The following MCOLN3 variants were observed in gnomAD, a reference collection of about 807,000 sequenced individuals.
MCOLN3 encodes mucolipin-3.
A neutral mutation model predicts 69.4 loss-of-function variants in MCOLN3; 62 were observed. That is an observed-to-expected ratio of 0.89 (90% CI 0.73 to 1.10). The LOEUF (loss-of-function observed/expected upper bound fraction) is 1.10, where lower values mean the gene tolerates loss of function less well. MCOLN3 is among the 50% of genes least tolerant of loss of function. The pLI is 0.00. For missense variants in MCOLN3, 564 were observed against 656.4 expected, an observed-to-expected ratio of 0.86 and a Z score of 1.54; for synonymous variants, 183 against 217.0, an observed-to-expected ratio of 0.84 and a Z score of 1.38.
chr1:85,027,659 T>TTAG (rs1339326115), intron 7 of MCOLN3, among the ~76,000 whole-genome samples: 1 of 152,014 alleles, frequency 6.6e-6, no homozygotes, highest in Non-Finnish European at 1.5e-5. Flanking sequence ...ATGAGGGAGG[T>TTAG]TAGTGTCGGG....
intron 9 of MCOLN3, chr1:85,025,604 AC>A: frequency 5.7e-6 from 1 of 176,578 alleles, no homozygotes. Flanking sequence ...AAAAAAAAAA[AC>A]TCTTACCTTA....
chr1:85,047,586 G>T (rs1461414791), intron 1 of MCOLN3: 2 of 152,276 alleles, frequency 1.3e-5, no homozygotes, highest in Admixed American at 6.5e-5. Flanking sequence ...TGTTCCTGGC[G>T]GGCAGAGGCT....
At position 85,041,130 on chromosome 1, in the gene MCOLN3, T is replaced by C; in HGVS notation, c.276A>G (p.Glu92=). The C allele has an allele frequency of 1.2e-6, 2 of 1,614,014 alleles. No individual in the cohort carries two copies. Among genetic ancestry groups the C allele is most frequent in the Non-Finnish European group, 1.7e-6 (2 of 1,179,980 alleles). The change falls in exon 3 of 13, where the codon GAA becomes GAG. Residue 92 remains glutamate, a synonymous_variant. Coordinates refer to ENST00000370589, the MANE Select transcript of MCOLN3 (RefSeq NM_018298.11). ...LSNQMVVAFK[E]ENTIAFKHLF... The stretch of plus-strand genomic sequence containing the variant: ...GGTGTTTGAATGCTATAGTATTCTC[T>C]TCCTTGAAAGCTACCACCATCTGGT...
chr1:85,040,514 G>C (rs1557692616), intron 3 of MCOLN3, among the ~76,000 whole-genome samples: 1 of 152,056 alleles, frequency 6.6e-6, no homozygotes, highest in African/African-American at 2.4e-5. Flanking sequence ...TGAAAAACAA[G>C]CTTGTTTTTT....
intron 6 of MCOLN3, 137 bp downstream of exon 6, chr1:85,032,559 C>G (rs1652590320): frequency 1.4e-6 from 1 of 710,706 alleles, no homozygotes; most frequent in Admixed American, 2.1e-5. Flanking sequence ...CTAGATGTAT[C>G]AATGCTTCCC....
chr1:85,018,993 G>T lies in MCOLN3; in HGVS notation c.*130C>A. ...CTTTTAAAAATATAAACAGTTATTG[G>T]TGAATTATAGGTCTCAATTAGCTCA... On this transcript the variant is annotated 3_prime_UTR_variant, in exon 13 of 13. Coordinates refer to ENST00000370589, the MANE Select transcript of MCOLN3 (RefSeq NM_018298.11). The T allele has an allele frequency of 1.3e-6, 1 of 764,390 alleles. No individual in the cohort carries two copies. The highest frequency in any genetic ancestry group is 2.6e-5 in the South Asian group (1 of 38,338). 47.4% of individuals were successfully genotyped at this position (764,390 alleles called of 1,614,324 possible).
chr1:85,035,369 T>C (rs6576743), intron 3 of MCOLN3, among the ~76,000 whole-genome samples: 144,806 of 152,270 alleles, frequency 0.95, 69,053 homozygotes, highest in East Asian at 0.99. Context: ...ATTTGCATCT[T>C]CAGCTCTGAC....
At chr1:85,032,509 C>T (rs1196315993) in intron 6 of MCOLN3, among the ~76,000 whole-genome samples, 187 bp downstream of exon 6, 2 of 152,184 alleles carry the variant, frequency 1.3e-5, no homozygotes, top group Non-Finnish European at 2.9e-5. Flanking sequence ...GTGTAGAAGA[C>T]ATAACTAACA....
At chr1:85,020,940 A>C (rs112868410) in intron 12 of MCOLN3, 130 bp downstream of exon 12, 10 of 602,180 alleles carry the variant, frequency 1.7e-5, no homozygotes, top group African/African-American at 1.3e-4. Context: ...TCTAAAAATA[A>C]GGTCCTTTTT....
chr1:85,047,868 T>TA (rs1322642441), intron 1 of MCOLN3, among the ~76,000 whole-genome samples: 4 of 152,232 alleles, frequency 2.6e-5, no homozygotes, highest in Admixed American at 1.3e-4. Context: ...GGCACTGCCG[T>TA]GGAGCTCAGA....
At chr1:85,025,749 A>G (rs1652181876) in intron 9 of MCOLN3, 190 bp downstream of exon 9, 1 of 570,652 alleles carries the variant, frequency 1.8e-6, no homozygotes, top group Non-Finnish European at 3.1e-6. Flanking sequence ...TTTGTGGATC[A>G]CACTTTGAAA....
chr1:85,022,137 CAGCAGCAG>C lies in MCOLN3; in HGVS notation c.1245_1252del (p.Phe415LeufsTer22), dbSNP rs764857534. ...GTAACCTAAGTAAATCATAGCTGCA[CAGCAGCAG>C]AACCTGATGACATTGGGCAGCGCTG... On this transcript the variant is annotated frameshift_variant, in exon 11 of 13. Coordinates refer to ENST00000370589, the MANE Select transcript of MCOLN3 (RefSeq NM_018298.11). LOFTEE classifies it high-confidence loss of function. The C allele has an allele frequency of 1.2e-6, 2 of 1,614,138 alleles. No homozygotes were observed. The highest frequency in any genetic ancestry group is 1.7e-6 in the Non-Finnish European group (2 of 1,180,004).
chr1:85,026,430 T>C, intron 7 of MCOLN3, 146 bp from the exon 8 acceptor site: 1 of 644,562 alleles, frequency 1.6e-6, no homozygotes, highest in South Asian at 2.0e-5. Context: ...AATTAGTATT[T>C]GAAGAAGGGC....
At chr1:85,022,035 T>C in intron 11 of MCOLN3, 35 bp downstream of exon 11, 1 of 1,600,372 alleles carries the variant, frequency 6.2e-7, no homozygotes, top group South Asian at 1.1e-5. Context: ...TGCTAAAAGC[T>C]TAATAGTAAC....
intron 7 of MCOLN3, 83 bp from the exon 8 acceptor site, chr1:85,026,367 T>C: frequency 2.1e-6 from 2 of 934,314 alleles, no homozygotes; most frequent in South Asian, 3.0e-5. Context: ...ATTTAAATAA[T>C]TCAAGCATTC....
chr1:85,034,992 G>A (rs1320546726), intron 3 of MCOLN3, among the ~76,000 whole-genome samples: 1 of 152,142 alleles, frequency 6.6e-6, no homozygotes, highest in Non-Finnish European at 1.5e-5. Context: ...TATGAGTGAA[G>A]CATGCTATGA....
chr1:85,037,055 C>T (rs1652835844), intron 3 of MCOLN3, among the ~76,000 whole-genome samples: 1 of 152,090 alleles, frequency 6.6e-6, no homozygotes, highest in South Asian at 2.1e-4. Context: ...TGGAGCTCTT[C>T]ATTACTAGAG....
intron 3 of MCOLN3, 58 bp from the exon 4 acceptor site, chr1:85,034,309 A>G (rs532400120): frequency 3.8e-6 from 6 of 1,569,172 alleles, no homozygotes; most frequent in East Asian, 4.5e-5. Flanking sequence ...GAGTGAAGCC[A>G]TAACTCCCCT....
chr1:85,039,711 G>A, intron 3 of MCOLN3, among the ~76,000 whole-genome samples: 1 of 152,146 alleles, frequency 6.6e-6, no homozygotes, highest in East Asian at 1.9e-4. Flanking sequence ...ACTTTGGGAG[G>A]CTGAGATGGG....
Sources: allele counts gnomAD v4.1 joint callset (sites outside exome capture counted in the v4.1 genomes callset), GRCh38; gene constraint gnomAD v4.1.1; transcripts MANE v1.5; gene names NCBI Gene and HGNC (gene_info 2026-07-23, HGNC 2026-07-21).